LRRK2: variants seen among roughly 807,000 people sequenced by gnomAD.
LRRK2 encodes leucine-rich repeat serine/threonine-protein kinase 2.
LRRK2 carries 203 observed loss-of-function variants against 302.6 expected under a neutral mutation model. The ratio of observed to expected loss-of-function variants is 0.67; its 90% CI spans 0.60 to 0.75. The LOEUF (loss-of-function observed/expected upper bound fraction) is 0.75. LRRK2 is among the 30% of genes least tolerant of loss of function. The pLI is 0.00. For missense variants in LRRK2, 2,830 were observed against 2,951.0 expected (o/e 0.96, Z 0.95); for synonymous variants, 1,066 against 1,031.9 (o/e 1.03, Z -0.63).
rs1946362817 is a variant in LRRK2, at chr12:40,351,833, A to G, written c.6576+100A>G. 10 of 1,187,946 alleles carry G rather than the reference A, an allele frequency of 8.4e-6. No individual in the cohort carries two copies. The South Asian group carries it at 1.3e-4, about 16-fold the overall frequency. 73.6% of individuals were successfully genotyped at this position (1,187,946 alleles called of 1,614,324 possible). A position where few individuals can be genotyped will look rare whatever the true frequency, so the allele number is the denominator to read the frequency against. On this transcript the variant is annotated intron_variant, in intron 44 of 50. Transcript: ENST00000298910. ...AAATAAGAGCCAATGTAGGATTATT[A>G]TTCAATTAGCCTTCTGTTAGAACAA...
At chr12:40,277,398 C>CA (rs1229767264) in intron 16 of LRRK2, among the ~76,000 whole-genome samples, 1 of 152,088 alleles carries the variant, frequency 6.6e-6, no homozygotes, top group African/African-American at 2.4e-5. Context: ...TCTAGGAGTC[C>CA]ACACTAGCCT....
chr12:40,235,262 G>A (rs1332879179), intron 3 of LRRK2, among the ~76,000 whole-genome samples: 4 of 152,112 alleles, frequency 2.6e-5, no homozygotes, highest in Non-Finnish European at 5.9e-5. Flanking sequence ...CTTGAACCCA[G>A]AAGTTTAGAC....
chr12:40,254,434 G>A (rs947976749), intron 11 of LRRK2, among the ~76,000 whole-genome samples: 1 of 152,128 alleles, frequency 6.6e-6, no homozygotes, highest in African/African-American at 2.4e-5. Context: ...GACAGGGGCT[G>A]CTCTCAAGGA....
At chr12:40,358,696 C>T (rs1367360905) in intron 46 of LRRK2, among the ~76,000 whole-genome samples, 2 of 150,402 alleles carry the variant, frequency 1.3e-5, no homozygotes, top group African/African-American at 4.9e-5. Flanking sequence ...ATTGTTTTGG[C>T]TATTTTGGCT....
chr12:40,319,870 T>G, intron 33 of LRRK2, 118 bp from the exon 34 acceptor site: 1 of 1,001,260 alleles, frequency 1.0e-6, no homozygotes, highest in South Asian at 1.7e-5. Context: ...TGTGTTGCAC[T>G]TGAAAACACT....
intron 5 of LRRK2, among the ~76,000 whole-genome samples, chr12:40,239,795 TA>T (rs201655125): frequency 2.0e-5 from 3 of 151,810 alleles, no homozygotes; most frequent in African/African-American, 7.3e-5. Context: ...GGCATAAAAT[TA>T]AAAAAAATGA....
chr12:40,261,842 G>C (rs557234303), intron 13 of LRRK2, among the ~76,000 whole-genome samples: 22 of 152,198 alleles, frequency 1.4e-4, no homozygotes, highest in Non-Finnish European at 2.9e-4. Flanking sequence ...GTCCAATTAA[G>C]GATAGCATAT....
chr12:40,311,699 C>A (rs979345985), intron 31 of LRRK2, among the ~76,000 whole-genome samples: 1 of 152,168 alleles, frequency 6.6e-6, no homozygotes, highest in Non-Finnish European at 1.5e-5. Flanking sequence ...GTGCTTCACT[C>A]CAAAACCTAA....
chr12:40,356,480 T>C (rs2137016633), intron 46 of LRRK2, among the ~76,000 whole-genome samples: 1 of 107,462 alleles, frequency 9.3e-6, no homozygotes, highest in Admixed American at 1.0e-4. Flanking sequence ...TAATTCCTTA[T>C]AAATATATTG....
intron 18 of LRRK2, among the ~76,000 whole-genome samples, chr12:40,279,404 CTAAT>C (rs998738574): frequency 6.6e-6 from 1 of 151,860 alleles, no homozygotes; most frequent in African/African-American, 2.4e-5. Flanking sequence ...CATAAACAAT[CTAAT>C]TATTTAAATT....
intron 22 of LRRK2, 99 bp from the exon 23 acceptor site, chr12:40,295,328 G>A: frequency 8.8e-7 from 1 of 1,130,904 alleles, no homozygotes; most frequent in Admixed American, 1.9e-5. Flanking sequence ...TCAGTGCCTT[G>A]AAGAAAGCCT....
chr12:40,265,426 C>T (rs1942966174), intron 14 of LRRK2, among the ~76,000 whole-genome samples: 1 of 152,088 alleles, frequency 6.6e-6, no homozygotes, highest in Non-Finnish European at 1.5e-5. Flanking sequence ...GGAATAGACA[C>T]TTATACCCTG....
chr12:40,303,918 G>T (rs1219030622), intron 26 of LRRK2, 30 bp from the exon 27 acceptor site: 1 of 1,603,414 alleles, frequency 6.2e-7, no homozygotes, highest in Admixed American at 1.7e-5. Flanking sequence ...ATACTCATTT[G>T]GTTTATGTCT....
chr12:40,274,049 A>T (rs537308605), intron 14 of LRRK2, among the ~76,000 whole-genome samples: 1 of 152,180 alleles, frequency 6.6e-6, no homozygotes, highest in Admixed American at 6.5e-5. Flanking sequence ...TTATTTCTGC[A>T]TCTTTAAAGT....
intron 43 of LRRK2, among the ~76,000 whole-genome samples, chr12:40,349,233 C>A (rs1180949610): frequency 6.6e-6 from 1 of 152,062 alleles, no homozygotes; most frequent in Non-Finnish European, 1.5e-5. Flanking sequence ...ATGTGCATAT[C>A]CACGTGTACA....
intron 3 of LRRK2, among the ~76,000 whole-genome samples, chr12:40,234,589 G>A (rs138396846): frequency 1.2e-3 from 175 of 151,814 alleles, no homozygotes; most frequent in African/African-American, 4.1e-3. Flanking sequence ...ATGTTGGCCA[G>A]GATGGTCTTG....
intron 19 of LRRK2, among the ~76,000 whole-genome samples, chr12:40,285,504 T>TAC (rs1943885459): frequency 6.6e-6 from 1 of 152,018 alleles, no homozygotes; most frequent in Admixed American, 6.6e-5. Context: ...TTGTCCTCTT[T>TAC]TGAGGACAAT....
At chr12:40,293,954 C>A (rs1253736548) in intron 21 of LRRK2, among the ~76,000 whole-genome samples, 1 of 148,116 alleles carries the variant, frequency 6.8e-6, no homozygotes, top group African/African-American at 2.5e-5. Flanking sequence ...TCTTTCTTTT[C>A]AGAACTCCAT....
chr12:40,318,866 C>T (rs1241638071), intron 33 of LRRK2, among the ~76,000 whole-genome samples: 6 of 152,042 alleles, frequency 3.9e-5, no homozygotes, highest in South Asian at 2.1e-4. Flanking sequence ...TCTTAAACAA[C>T]AGTTTTTATT....
Sources: allele counts gnomAD v4.1 joint callset (sites outside exome capture counted in the v4.1 genomes callset), GRCh38; gene constraint gnomAD v4.1.1; transcripts MANE v1.5; gene names NCBI Gene and HGNC (gene_info 2026-07-23, HGNC 2026-07-21).